Variants in STK11IP observed in about 807,000 individuals in gnomAD.
STK11IP encodes the protein serine/threonine kinase 11 interacting protein.
A neutral mutation model predicts 131.7 loss-of-function variants in STK11IP; 103 were observed. The observed-to-expected ratio is 0.78, with a 90% confidence interval of 0.67 to 0.92. The LOEUF (loss-of-function observed/expected upper bound fraction) is 0.92, where lower values mean the gene tolerates loss of function less well. Ranked by LOEUF, STK11IP falls within the 40% of genes least tolerant of loss-of-function variation. The pLI is 0.00. For synonymous variants in STK11IP, 557 were observed against 575.6 expected (o/e 0.97, Z 0.46); for missense variants, 1,315 against 1,385.7 (o/e 0.95, Z 0.81).
At chr2:219,602,672 A>G (rs767568146) in intron 6 of STK11IP, 33 bp from the exon 7 acceptor site, 3 of 1,613,100 alleles carry the variant, frequency 1.9e-6, no homozygotes, top group South Asian at 1.1e-5. Context: ...TGTAGTGAAC[A>G]TCGATTCTCT....
chr2:219,602,374 TA>T, intron 5 of STK11IP, 93 bp from the exon 6 acceptor site: 2 of 973,154 alleles, frequency 2.1e-6, no homozygotes, highest in African/African-American at 1.6e-5. Context: ...GTTCAGTGTA[TA>T]AAAAATGAAT....
At chr2:219,612,170 G>C in intron 19 of STK11IP, 112 bp downstream of exon 19, 1 of 957,992 alleles carries the variant, frequency 1.0e-6, no homozygotes. Flanking sequence ...CTGGCTTCTG[G>C]TTTCAACCCC....
intron 24 of STK11IP, chr2:219,615,586 A>G: frequency 1.5e-6 from 1 of 659,042 alleles, no homozygotes; most frequent in East Asian, 2.8e-5. Context: ...TAGCTGGGCC[A>G]CGAGGCTTTC....
At chr2:219,604,764 G>A (rs922644240) in intron 7 of STK11IP, among the ~76,000 whole-genome samples, 1 of 151,922 alleles carries the variant, frequency 6.6e-6, no homozygotes, top group African/African-American at 2.4e-5. Context: ...CATAGACAGT[G>A]TTGCAGTCAC....
At chr2:219,606,103 G>A (rs749338946) in intron 9 of STK11IP, 44 bp downstream of exon 9, 14 of 1,549,682 alleles carry the variant, frequency 9.0e-6, no homozygotes, top group African/African-American at 2.7e-5. Flanking sequence ...ACCCTTGCAC[G>A]TACCCCCCCA....
intron 8 of STK11IP, 43 bp from the exon 9 acceptor site, chr2:219,605,913 T>C (rs1483774803): frequency 1.3e-6 from 2 of 1,531,816 alleles, no homozygotes; most frequent in African/African-American, 2.7e-5. Flanking sequence ...CACTTGCGTG[T>C]ACTCATCCAC....
intron 6 of STK11IP, 33 bp from the exon 7 acceptor site, chr2:219,602,672 A>T: frequency 6.2e-7 from 1 of 1,613,100 alleles, no homozygotes; most frequent in Non-Finnish European, 8.5e-7. Context: ...TGTAGTGAAC[A>T]TCGATTCTCT....
At chr2:219,603,672 C>T (rs1225098594) in intron 7 of STK11IP, among the ~76,000 whole-genome samples, 1 of 151,974 alleles carries the variant, frequency 6.6e-6, no homozygotes, top group Non-Finnish European at 1.5e-5. Flanking sequence ...AGGTGCCCGC[C>T]ACCATGCCCA....
At chr2:219,604,452 C>T (rs983713076) in intron 7 of STK11IP, among the ~76,000 whole-genome samples, 2 of 152,168 alleles carry the variant, frequency 1.3e-5, no homozygotes, top group Non-Finnish European at 1.5e-5. Context: ...AAATCCTTTT[C>T]TTCCTTGATC....
intron 4 of STK11IP, 120 bp downstream of exon 4, chr2:219,601,835 C>T (rs1013825150): frequency 1.6e-6 from 2 of 1,264,430 alleles, no homozygotes; most frequent in South Asian, 2.6e-5. Context: ...CATTGCTCTG[C>T]AGTCATGTGA....
chr2:219,614,496 C>T lies in STK11IP; in HGVS notation c.2819C>T (p.Ser940Leu), dbSNP rs762481383. The change falls in exon 23 of 25, where the codon TCA becomes TTA. Residue 940 changes from serine to leucine, a missense_variant. Physicochemically the swap from Ser to Leu is moderately radical, Grantham distance 145 (BLOSUM62 -2). Coordinates refer to ENST00000456909, the MANE Select transcript of STK11IP (RefSeq NM_052902.4). Reference sequence around the variant, plus strand: ...TCTAGGCCATTGCTGGAAAAAGACTCATCCTTGGAGGCTCGCCAGTTCTTC... The same window carrying T: ...TCTAGGCCATTGCTGGAAAAAGACTTATCCTTGGAGGCTCGCCAGTTCTTC... Reference protein sequence around the residue: ...HRLWPLLEKDSSLEARQFFYL... With the variant: ...HRLWPLLEKDLSLEARQFFYL... The T allele has an allele frequency of 1.9e-6, 3 of 1,613,880 alleles. No individual in the cohort carries two copies. Among genetic ancestry groups the T allele is most frequent in the Non-Finnish European group, 2.5e-6 (3 of 1,179,880 alleles).
rs745571773 is a variant in STK11IP, at chr2:219,615,301, G to T, written c.3077G>T (p.Arg1026Leu). 1 of 1,602,526 alleles carries T rather than the reference G, an allele frequency of 6.2e-7. No individual in the cohort carries two copies. The highest frequency in any genetic ancestry group is 1.1e-5 in the South Asian group (1 of 90,686). The change falls in exon 24 of 25, where the codon CGC becomes CTC. Residue 1026 changes from arginine (R) to leucine (L), a missense_variant. Transcript: ENST00000456909. ...LSSLSSVLLYRSAPEDLRLLF... is the reference protein window; with the variant it reads ...LSSLSSVLLYLSAPEDLRLLF... Reference sequence around the variant, plus strand: ...AGCCTGAGCTCCGTGCTGCTCTACCGCTCAGCCCCTGAGGACTTGCGGCTG... The same window carrying T: ...AGCCTGAGCTCCGTGCTGCTCTACCTCTCAGCCCCTGAGGACTTGCGGCTG...
At chr2:219,600,898 A>G (rs79339194) in intron 2 of STK11IP, among the ~76,000 whole-genome samples, 2,165 of 152,342 alleles carry the variant, frequency 0.014, 50 homozygotes, top group African/African-American at 0.05. Context: ...GGGGTGTCTC[A>G]TAACAAGAGA....
intron 5 of STK11IP, 81 bp from the exon 6 acceptor site, chr2:219,602,387 A>T: frequency 9.5e-7 from 1 of 1,052,458 alleles, no homozygotes; most frequent in Non-Finnish European, 1.4e-6. Context: ...AAAATGAATG[A>T]GTGACTGGGT....
At chr2:219,600,041 G>GGT (rs1697929897) in intron 2 of STK11IP, among the ~76,000 whole-genome samples, 3 of 91,932 alleles carry the variant, frequency 3.3e-5, no homozygotes, top group Admixed American at 1.1e-4. Flanking sequence ...TGCCCTTTGT[G>GGT]TTTTTTTTTT....
intron 7 of STK11IP, among the ~76,000 whole-genome samples, chr2:219,603,036 GTTTTTTT>G (rs750626798): frequency 2.5e-5 from 3 of 118,744 alleles, no homozygotes; most frequent in Admixed American, 1.8e-4. Flanking sequence ...AGAGTACCTG[GTTTTTTT>G]TTTTTTTTTT....
At chr2:219,604,224 G>A (rs1307422714) in intron 7 of STK11IP, among the ~76,000 whole-genome samples, 1 of 152,128 alleles carries the variant, frequency 6.6e-6, no homozygotes, top group African/African-American at 2.4e-5. Flanking sequence ...TGCTGTTTTT[G>A]TTCAGGTTTT....
intron 15 of STK11IP, 52 bp downstream of exon 15, chr2:219,608,840 T>C: frequency 6.6e-7 from 1 of 1,510,244 alleles, no homozygotes; most frequent in Non-Finnish European, 8.9e-7. Flanking sequence ...GGAACATGGC[T>C]GTTGTGTGCC....
chr2:219,614,981 GACC>G, intron 23 of STK11IP, 110 bp from the exon 24 acceptor site: 1 of 1,313,106 alleles, frequency 7.6e-7, no homozygotes, highest in Non-Finnish European at 1.0e-6. Context: ...GCTGCTTTGT[GACC>G]CACCTCAGAG....
Sources: allele counts gnomAD v4.1 joint callset (sites outside exome capture counted in the v4.1 genomes callset), GRCh38; gene constraint gnomAD v4.1.1; transcripts MANE v1.5; gene names NCBI Gene and HGNC (gene_info 2026-07-23, HGNC 2026-07-21).